ACOT7: variants seen among roughly 807,000 people sequenced by gnomAD.
The protein encoded by ACOT7 is cytosolic acyl coenzyme A thioester hydrolase.
Under a neutral mutation model 40.2 loss-of-function variants are expected in ACOT7, and 12 were observed. The observed-to-expected ratio is 0.30, with a 90% CI of 0.19 to 0.48. The LOEUF is 0.48. Among genes scored for constraint, ACOT7 ranks in the 20% least tolerant of loss-of-function variants. ACOT7 has a pLI of 0.99. For missense variants in ACOT7, 395 were observed against 530.8 expected (o/e 0.74, Z 2.51); for synonymous variants, 228 against 219.5 (o/e 1.04, Z -0.34).
rs980330961 is a variant in ACOT7, at chr1:6,313,128, G to A, written c.712+5364C>T. On this transcript the variant is annotated intron_variant, in intron 6 of 8. Coordinates refer to ENST00000361521, the MANE Select transcript of ACOT7 (RefSeq NM_007274.4). ...GTGAGTGCACAGCATAATCGCCTGCGGCTGCTAAGCTGGTGGTGTCTGGGG... is the reference window on the plus strand; with the variant it reads ...GTGAGTGCACAGCATAATCGCCTGCAGCTGCTAAGCTGGTGGTGTCTGGGG... Among the ~76,000 whole-genome samples, 6 of 152,320 alleles carry A rather than the reference G, an allele frequency of 3.9e-5. No homozygotes were observed. In the South Asian group the frequency reaches 1.0e-3, roughly 26 times the overall value.
At chr1:6,341,953 A>G (rs1641289290) in intron 2 of ACOT7, among the ~76,000 whole-genome samples, 1 of 152,176 alleles carries the variant, frequency 6.6e-6, no homozygotes, top group East Asian at 1.9e-4. Flanking sequence ...CAGATGGTGG[A>G]CATGGACAGG....
Position 6,358,845 on chromosome 1 carries a change from T to G in ACOT7, c.144-8979A>C, listed in dbSNP as rs1209409775. 6.2e-7 allele frequency: 1 copy of G among 1,613,804 alleles called. No individual in the cohort carries two copies. The highest frequency in any genetic ancestry group is 8.5e-7 in the Non-Finnish European group (1 of 1,179,870). Reference sequence around the variant, plus strand: ...CAGTACCTGCTCAGCTGGAAAGCCATGGTGGCTAGGACATCCCAGGATCAG... The same window carrying G: ...CAGTACCTGCTCAGCTGGAAAGCCAGGGTGGCTAGGACATCCCAGGATCAG... On this transcript the variant is annotated intron_variant, in intron 1 of 8. Transcript: ENST00000361521. The surrounding 1 kb of genome is among the most constrained non-coding windows in gnomAD (Gnocchi z 4.1).
At chr1:6,370,925 C>T (rs979492255) in intron 1 of ACOT7, among the ~76,000 whole-genome samples, 8 of 152,204 alleles carry the variant, frequency 5.3e-5, no homozygotes, top group African/African-American at 1.7e-4. Flanking sequence ...ATTCTCCTAC[C>T]TCAGCCTCCT....
intron 3 of ACOT7, among the ~76,000 whole-genome samples, chr1:6,337,769 G>A (rs1321463915): frequency 1.3e-5 from 2 of 152,156 alleles, no homozygotes; most frequent in Non-Finnish European, 2.9e-5. Flanking sequence ...GAGGTCAGGA[G>A]TTTCAGACCA....
chr1:6,357,726 G>A (rs566672589), intron 1 of ACOT7, among the ~76,000 whole-genome samples: 36 of 152,150 alleles, frequency 2.4e-4, no homozygotes, highest in Non-Finnish European at 5.0e-4. Flanking sequence ...GGGGGCGGGG[G>A]CCTCACACCA....
intron 2 of ACOT7, 134 bp downstream of exon 2, chr1:6,349,615 C>T (rs1641529810): frequency 2.2e-6 from 2 of 892,398 alleles, no homozygotes; most frequent in Non-Finnish European, 1.7e-6. Context: ...ACTTGGGCCA[C>T]TTCTCCCACA....
intron 4 of ACOT7, among the ~76,000 whole-genome samples, chr1:6,328,014 T>G (rs1009829019): frequency 6.6e-6 from 1 of 152,064 alleles, no homozygotes; most frequent in Non-Finnish European, 1.5e-5. Context: ...CCTTGCGATC[T>G]GCCCGCCTCA....
intron 5 of ACOT7, among the ~76,000 whole-genome samples, chr1:6,325,180 C>T (rs533464616): frequency 5.9e-5 from 9 of 152,300 alleles, no homozygotes; most frequent in East Asian, 3.9e-4. Flanking sequence ...GGGCGGATCA[C>T]GAGGTCAGGA....
At chr1:6,391,434 A>G (rs549088322) in intron 1 of ACOT7, among the ~76,000 whole-genome samples, 1 of 152,296 alleles carries the variant, frequency 6.6e-6, no homozygotes, top group East Asian at 1.9e-4. Flanking sequence ...TGAGCCCAGG[A>G]GGCAGGGGTT....
intron 1 of ACOT7, among the ~76,000 whole-genome samples, chr1:6,369,381 C>A (rs1642082549): frequency 6.6e-6 from 1 of 151,344 alleles, no homozygotes; most frequent in South Asian, 2.1e-4. Context: ...GCAGCCAGAG[C>A]CCCACAAAAT....
chr1:6,360,551 C>T, intron 1 of ACOT7: 1 of 1,614,032 alleles, frequency 6.2e-7, no homozygotes. Flanking sequence ...CCCATAGTTC[C>T]TCTCAGCTCC....
At chr1:6,325,643 G>T (rs1395579237) in intron 5 of ACOT7, among the ~76,000 whole-genome samples, 1 of 152,174 alleles carries the variant, frequency 6.6e-6, no homozygotes, top group Non-Finnish European at 1.5e-5. Flanking sequence ...CACAGACTGA[G>T]TCAGAGACAC....
At chr1:6,268,863 C>G (rs1638933660) in intron 8 of ACOT7, among the ~76,000 whole-genome samples, 1 of 152,250 alleles carries the variant, frequency 6.6e-6, no homozygotes. Context: ...CTCTCGGCAT[C>G]TTTACCAGAG....
At chr1:6,376,366 G>A (rs1376666975) in intron 1 of ACOT7, among the ~76,000 whole-genome samples, 2 of 152,114 alleles carry the variant, frequency 1.3e-5, no homozygotes, top group Non-Finnish European at 2.9e-5. Context: ...CCAGGAGGTT[G>A]AAGCTACAGT....
Position 6,312,015 on chromosome 1 carries a change from G to A in ACOT7, c.712+6477C>T, listed in dbSNP as rs150193218. ...TCACAGATCCAACCTCTCAGGGGAG[G>A]CGCCAACATCACCTCAAGTGGAGGA... On this transcript the variant is annotated intron_variant, in intron 6 of 8. Transcript: ENST00000361521. Among the ~76,000 whole-genome samples, 363 of 152,286 alleles carry A rather than the reference G, an allele frequency of 2.4e-3. 1 individual carries two copies. Among genetic ancestry groups the A allele is most frequent in the Non-Finnish European group, 4.0e-3 (271 of 68,028 alleles).
intron 7 of ACOT7, among the ~76,000 whole-genome samples, chr1:6,293,247 G>C (rs1192240465): frequency 1.3e-5 from 2 of 152,170 alleles, no homozygotes; most frequent in Non-Finnish European, 2.9e-5. Context: ...ACTGAGCACG[G>C]CAAGTCCTAT....
At chr1:6,320,286 T>C (rs1040253037) in intron 5 of ACOT7, among the ~76,000 whole-genome samples, 1 of 152,254 alleles carries the variant, frequency 6.6e-6, no homozygotes, top group African/African-American at 2.4e-5. Context: ...ACTGCTATCC[T>C]GGGGGCCTGG....
chr1:6,284,797 GC>G lies in ACOT7; in HGVS notation c.830-3512del, dbSNP rs1301401311. 6.6e-5 allele frequency among the ~76,000 whole-genome samples: 10 copies of G among 152,168 alleles called. No individual in the cohort carries two copies. In the East Asian group the frequency reaches 1.9e-3, roughly 29 times the overall value. The stretch of plus-strand genomic sequence containing the variant: ...CAGCCTCTACAAGGGCCCCTAGCCT[GC>G]CCCCTGCTTTCCACACCCCACCAGA... On this transcript the variant is annotated intron_variant, in intron 7 of 8. Coordinates refer to ENST00000361521, the MANE Select transcript of ACOT7 (RefSeq NM_007274.4).
intron 1 of ACOT7, among the ~76,000 whole-genome samples, chr1:6,357,697 C>T (rs1057169473): frequency 2.0e-5 from 3 of 152,126 alleles, no homozygotes; most frequent in Admixed American, 2.0e-4. Flanking sequence ...AAAGGAGAAG[C>T]GGGTCTCCTT....
Sources: allele counts gnomAD v4.1 joint callset (sites outside exome capture counted in the v4.1 genomes callset), GRCh38; gene constraint gnomAD v4.1.1; non-coding constraint Gnocchi (gnomAD v3.1); transcripts MANE v1.5; gene names NCBI Gene and HGNC (gene_info 2026-07-23, HGNC 2026-07-21).